Variants in SNTG2 observed in about 807,000 individuals in gnomAD.
SNTG2 encodes gamma-2-syntrophin.
Under a neutral mutation model 70.9 loss-of-function variants are expected in SNTG2, and 74 were observed. The observed-to-expected ratio is 1.04, with a 90% CI of 0.86 to 1.27. The LOEUF (loss-of-function observed/expected upper bound fraction) is 1.27, where lower values mean the gene tolerates loss of function less well. Ranked by LOEUF, SNTG2 falls within the 50% of genes most tolerant of loss-of-function variation. The probability of loss-of-function intolerance (pLI) is 0.00; values close to 1 mark genes in which losing one functional copy is unlikely to be tolerated. For missense variants in SNTG2, 717 were observed against 690.7 expected, an observed-to-expected ratio of 1.04 and a Z score of -0.43; for synonymous variants, 278 against 273.8, an observed-to-expected ratio of 1.02 and a Z score of -0.15.
chr2:1,305,577 A>G (rs1217776647), intron 14 of SNTG2, among the ~76,000 whole-genome samples: 1 of 152,236 alleles, frequency 6.6e-6, no homozygotes. Flanking sequence ...TTGTGTTTGG[A>G]AAGTTCTATG....
chr2:1,358,004 G>A lies in SNTG2; in HGVS notation c.1489-9339G>A, dbSNP rs1313244763. Among the ~76,000 whole-genome samples the A allele has an allele frequency of 2.6e-5, 4 of 151,996 alleles. 1 individual carries two copies. Among genetic ancestry groups the A allele is most frequent in the Non-Finnish European group, 5.9e-5 (4 of 67,980 alleles). On this transcript the variant is annotated intron_variant, in intron 16 of 16. Transcript: ENST00000308624. The stretch of plus-strand genomic sequence containing the variant: ...TGGACTCTGTGAAATCAAAGATCAA[G>A]GTGCTGGTAGATTCAGTTCCTGAGG...
intron 1 of SNTG2, among the ~76,000 whole-genome samples, chr2:980,663 A>G (rs1661068016): frequency 6.6e-6 from 1 of 151,764 alleles, no homozygotes; most frequent in Admixed American, 6.6e-5. Flanking sequence ...ATATTATTAT[A>G]AGGGGATAGG....
At chr2:1,304,786 T>C (rs1366913047) in intron 14 of SNTG2, among the ~76,000 whole-genome samples, 1 of 152,168 alleles carries the variant, frequency 6.6e-6, no homozygotes, top group African/African-American at 2.4e-5. Context: ...TTCTTTCTTT[T>C]TTTAACTCTT....
chr2:986,413 G>A (rs1222819044), intron 1 of SNTG2, among the ~76,000 whole-genome samples: 1 of 152,216 alleles, frequency 6.6e-6, no homozygotes, highest in African/African-American at 2.4e-5. Context: ...GCCCCTTGAC[G>A]TGAGTTGAAC....
chr2:967,660 C>G (rs555298169), intron 1 of SNTG2, among the ~76,000 whole-genome samples: 2 of 152,202 alleles, frequency 1.3e-5, no homozygotes, highest in East Asian at 1.9e-4. Context: ...TGGTTTGTTT[C>G]TCTTCATGTT....
chr2:1,045,304 A>C (rs1322990573), intron 1 of SNTG2, among the ~76,000 whole-genome samples: 1 of 151,614 alleles, frequency 6.6e-6, no homozygotes, highest in Non-Finnish European at 1.5e-5. Context: ...TTGTCTATCT[A>C]GTGGTCTAAC....
chr2:1,054,936 GTTTTGTTTTTGT>G (rs113103411), intron 1 of SNTG2, among the ~76,000 whole-genome samples: 1 of 149,732 alleles, frequency 6.7e-6, no homozygotes, highest in South Asian at 2.1e-4. Context: ...GGCTTTTTTT[GTTTTGTTTTTGT>G]TTTTGTTTTT....
At chr2:1,279,346 C>G (rs1051894275) in intron 14 of SNTG2, among the ~76,000 whole-genome samples, 1 of 152,234 alleles carries the variant, frequency 6.6e-6, no homozygotes, top group Non-Finnish European at 1.5e-5. Context: ...ATTTCTATTA[C>G]TAATCTCTTA....
At chr2:1,266,708 A>C (rs1340075836) in intron 13 of SNTG2, among the ~76,000 whole-genome samples, 1 of 148,728 alleles carries the variant, frequency 6.7e-6, no homozygotes, top group East Asian at 2.0e-4. Flanking sequence ...TTCTGGTTTT[A>C]TGATAAACAC....
intron 1 of SNTG2, among the ~76,000 whole-genome samples, chr2:1,022,193 C>T (rs944644795): frequency 6.6e-6 from 1 of 152,082 alleles, no homozygotes; most frequent in African/African-American, 2.4e-5. Flanking sequence ...AAATCCTGCG[C>T]TCCTGTGAAT....
chr2:1,235,853 G>A (rs1472922839), intron 9 of SNTG2, among the ~76,000 whole-genome samples: 1 of 152,210 alleles, frequency 6.6e-6, no homozygotes, highest in Non-Finnish European at 1.5e-5. Flanking sequence ...AACTTTTGAG[G>A]ATTCTTCTAA....
intron 1 of SNTG2, among the ~76,000 whole-genome samples, chr2:1,082,030 C>G (rs147882858): frequency 6.6e-6 from 1 of 152,148 alleles, no homozygotes; most frequent in Non-Finnish European, 1.5e-5. Flanking sequence ...GAGGAAACCA[C>G]TTGGAACCCT....
At chr2:1,100,942 G>C (rs1665746597) in intron 4 of SNTG2, among the ~76,000 whole-genome samples, 1 of 137,362 alleles carries the variant, frequency 7.3e-6, no homozygotes, top group Non-Finnish European at 1.7e-5. Flanking sequence ...CGTGACCCTG[G>C]GGTTGTAGCC....
chr2:1,196,662 C>T (rs1672928752), intron 8 of SNTG2, among the ~76,000 whole-genome samples: 1 of 152,052 alleles, frequency 6.6e-6, no homozygotes, highest in South Asian at 2.1e-4. Flanking sequence ...GGAGAACCTC[C>T]ATCAAGCCAT....
At chr2:1,181,839 A>G (rs1394926828) in intron 8 of SNTG2, among the ~76,000 whole-genome samples, 1 of 152,154 alleles carries the variant, frequency 6.6e-6, no homozygotes, top group African/African-American at 2.4e-5. Context: ...CACGTAGTTT[A>G]AGATTCTAAG....
intron 1 of SNTG2, among the ~76,000 whole-genome samples, chr2:1,075,637 T>C (rs1663867703): frequency 6.6e-6 from 1 of 152,236 alleles, no homozygotes; most frequent in South Asian, 2.1e-4. Flanking sequence ...TGTTTTGGTT[T>C]ATATCTAAAA....
intron 1 of SNTG2, among the ~76,000 whole-genome samples, chr2:1,051,954 A>G (rs999194479): frequency 6.6e-6 from 1 of 152,238 alleles, no homozygotes; most frequent in East Asian, 1.9e-4. Flanking sequence ...TGATTTTCAA[A>G]TGGTAAACTA....
intron 6 of SNTG2, among the ~76,000 whole-genome samples, chr2:1,154,526 C>T (rs771939936): frequency 3.3e-5 from 5 of 151,888 alleles, no homozygotes; most frequent in South Asian, 2.1e-4. Flanking sequence ...CAATGTAGGC[C>T]GGATAAAATG....
intron 16 of SNTG2, among the ~76,000 whole-genome samples, chr2:1,333,356 G>C (rs1659631994): frequency 6.6e-6 from 1 of 152,174 alleles, no homozygotes; most frequent in South Asian, 2.1e-4. Context: ...GATCAATACT[G>C]TGAAAATGAC....
Sources: gnomAD v4.1 joint callset for allele counts (sites outside exome capture counted in the v4.1 genomes callset) on GRCh38, gnomAD v4.1.1 for gene constraint, MANE v1.5 for transcripts, NCBI Gene and HGNC (gene_info 2026-07-23, HGNC 2026-07-21) for gene names.